Variants in OSTN observed in about 807,000 individuals in gnomAD.
The protein encoded by OSTN is osteocrin.
A neutral mutation model predicts 12.0 loss-of-function variants in OSTN; 9 were observed. The ratio of observed to expected loss-of-function variants is 0.75; its 90% confidence interval spans 0.45 to 1.30. The LOEUF (loss-of-function observed/expected upper bound fraction) is 1.30, where lower values mean the gene tolerates loss of function less well. Among genes scored for constraint, OSTN ranks in the 50% most tolerant of loss-of-function variants. The probability of loss-of-function intolerance (pLI) is 0.00; values close to 1 mark genes in which losing one functional copy is unlikely to be tolerated. For synonymous variants in OSTN, 59 were observed against 56.9 expected (o/e 1.04, Z -0.16); for missense variants, 148 against 152.3 (o/e 0.97, Z 0.15).
intron 1 of OSTN, among the ~76,000 whole-genome samples, chr3:191,210,681 C>T (rs1714396802): frequency 6.6e-6 from 1 of 152,130 alleles, no homozygotes; most frequent in Non-Finnish European, 1.5e-5. Flanking sequence ...TTCTAGCACC[C>T]ATTTGCTCTT....
At chr3:191,236,298 A>T (rs1029618288) in intron 3 of OSTN, among the ~76,000 whole-genome samples, 10 of 152,140 alleles carry the variant, frequency 6.6e-5, no homozygotes, top group Non-Finnish European at 1.2e-4. Flanking sequence ...CTTTTTTAAA[A>T]ATCTCTATCA....
chr3:191,209,501 G>A (rs546497706), intron 1 of OSTN, among the ~76,000 whole-genome samples: 13 of 152,276 alleles, frequency 8.5e-5, no homozygotes, highest in African/African-American at 2.9e-4. Context: ...AGAAAAGAAC[G>A]GAATATGGAG....
chr3:191,246,287 C>T (rs772107115), intron 3 of OSTN, among the ~76,000 whole-genome samples: 10 of 151,706 alleles, frequency 6.6e-5, no homozygotes, highest in Admixed American at 3.3e-4. Context: ...CTTACAGTGG[C>T]AGGACCAAGA....
intron 1 of OSTN, 57 bp from the exon 2 acceptor site, chr3:191,212,476 T>C: frequency 1.6e-6 from 2 of 1,215,028 alleles, no homozygotes; most frequent in Non-Finnish European, 2.3e-6. Context: ...GAACTTCTGT[T>C]TTTTGTCTTT....
rs1047836081 is a variant in OSTN, at chr3:191,233,516, A to G, written c.317+14555A>G. 5.9e-5 allele frequency among the ~76,000 whole-genome samples: 9 copies of G among 152,138 alleles called. No individual in the cohort carries two copies. In the East Asian group the frequency reaches 1.8e-3, roughly 30 times the overall value. ...CAGTGGCAAAATCTCAGCTCACTGC[A>G]ACCTCCACATCCCGGGTTCTAGCGA... On this transcript the variant is annotated intron_variant, in intron 3 of 4. Coordinates refer to ENST00000682035, the MANE Select transcript of OSTN (RefSeq NM_198184.2).
chr3:191,223,893 A>G (rs958179356), intron 3 of OSTN, among the ~76,000 whole-genome samples: 8 of 152,162 alleles, frequency 5.3e-5, no homozygotes, highest in African/African-American at 1.9e-4. Flanking sequence ...GTGTTTTCAG[A>G]CTTGCTGATA....
chr3:191,245,361 G>T (rs1576936850), intron 3 of OSTN, among the ~76,000 whole-genome samples: 5 of 128,382 alleles, frequency 3.9e-5, no homozygotes, highest in Admixed American at 3.6e-4. Flanking sequence ...AAATAAGTTT[G>T]TTAAGTGAAT....
At chr3:191,203,387 C>T (rs16866328) in intron 1 of OSTN, among the ~76,000 whole-genome samples, 60,834 of 151,992 alleles carry the variant, frequency 0.4, 12,876 homozygotes, top group African/African-American at 0.54. Context: ...GAATCTTTCT[C>T]TAAGGTGGCA....
chr3:191,221,969 G>A (rs965993223), intron 3 of OSTN, among the ~76,000 whole-genome samples: 12 of 152,246 alleles, frequency 7.9e-5, no homozygotes, highest in African/African-American at 2.4e-4. Context: ...AAGGGCCAAA[G>A]TATAACTGGG....
At chr3:191,227,808 A>T (rs778194428) in intron 3 of OSTN, among the ~76,000 whole-genome samples, 14 of 152,152 alleles carry the variant, frequency 9.2e-5, no homozygotes, top group Non-Finnish European at 1.6e-4. Flanking sequence ...GCACAGACTG[A>T]GTCATGAGTG....
intron 3 of OSTN, among the ~76,000 whole-genome samples, chr3:191,240,677 G>T (rs530270647): frequency 6.6e-6 from 1 of 152,216 alleles, no homozygotes; most frequent in African/African-American, 2.4e-5. Flanking sequence ...TCAGTTATCT[G>T]AAAGTTATAC....
chr3:191,202,655 A>G lies in OSTN; in HGVS notation c.-1+3348A>G, dbSNP rs1714176763. On this transcript the variant is annotated intron_variant, in intron 1 of 4. Transcript: ENST00000682035. Reference sequence around the variant, plus strand: ...AAGGGGGTCGTGAAATTCCACATTAACTTCAGATTTAAATATGCTATATTT... The same window carrying G: ...AAGGGGGTCGTGAAATTCCACATTAGCTTCAGATTTAAATATGCTATATTT... Among the ~76,000 whole-genome samples the G allele has an allele frequency of 3.3e-5, 5 of 152,270 alleles. No individual in the cohort carries two copies. In the South Asian group the frequency reaches 1.0e-3, roughly 32 times the overall value.
In OSTN at chr3:191,263,282, A is replaced by G. The variant is rs1041637503; in HGVS notation, c.*429A>G. On this transcript the variant is annotated 3_prime_UTR_variant, in exon 5 of 5. Transcript: ENST00000682035. ...GGAATGAGGAAAGGCAATGCTGTGT[A>G]TTTTCTGTTGAGTACTTTCACTTCC... 8 of 157,760 alleles carry G rather than the reference A, an allele frequency of 5.1e-5. No individual in the cohort carries two copies. The highest frequency in any genetic ancestry group is 1.1e-4 in the Non-Finnish European group (8 of 71,922). The allele number at this position is 157,760 out of a possible 1,614,324, so 9.8% of individuals were successfully genotyped here.
intron 1 of OSTN, among the ~76,000 whole-genome samples, 162 bp from the exon 2 acceptor site, chr3:191,212,371 T>G (rs1233702311): frequency 6.6e-6 from 1 of 152,232 alleles, no homozygotes; most frequent in Admixed American, 6.5e-5. Context: ...GATGGACAGC[T>G]TCTATTAAGT....
chr3:191,245,287 CAT>C (rs1188555734), intron 3 of OSTN, among the ~76,000 whole-genome samples: 3 of 152,188 alleles, frequency 2.0e-5, no homozygotes, highest in African/African-American at 7.2e-5. Flanking sequence ...CATAACAACA[CAT>C]AACACATGGT....
rs1715899479 is a variant in OSTN, at chr3:191,265,363, G to A, written c.*2510G>A. 6.6e-6 allele frequency: 1 copy of A among 152,192 alleles called. No individual in the cohort carries two copies. The highest frequency in any genetic ancestry group is 1.5e-5 in the Non-Finnish European group (1 of 68,012). The allele number at this position is 152,192 out of a possible 1,614,324, so 9.4% of individuals were successfully genotyped here. A position where few individuals can be genotyped will look rare whatever the true frequency, so the allele number is the denominator to read the frequency against. On this transcript the variant is annotated 3_prime_UTR_variant, in exon 5 of 5. Coordinates refer to ENST00000682035, the MANE Select transcript of OSTN (RefSeq NM_198184.2). ...ACATAATCAAATTTCATAAAAGGAT[G>A]TTAGTTACTGGCTATGTTGTCCTAA...
intron 3 of OSTN, among the ~76,000 whole-genome samples, chr3:191,245,698 C>A (rs1268521244): frequency 6.6e-6 from 1 of 152,172 alleles, no homozygotes; most frequent in Non-Finnish European, 1.5e-5. Flanking sequence ...CACTTATTTA[C>A]CTTCATTTTT....
intron 2 of OSTN, 74 bp downstream of exon 2, chr3:191,212,708 A>G: frequency 2.4e-6 from 1 of 417,318 alleles, no homozygotes; most frequent in Non-Finnish European, 3.8e-6. Flanking sequence ...TGTATATAAA[A>G]GAATATATAT....
chr3:191,241,431 G>A (rs1412190906), intron 3 of OSTN, among the ~76,000 whole-genome samples: 1 of 151,682 alleles, frequency 6.6e-6, no homozygotes, highest in Non-Finnish European at 1.5e-5. Context: ...TGATCCACCC[G>A]CCTCGGCCTC....
Sources: gnomAD v4.1 joint callset for allele counts (sites outside exome capture counted in the v4.1 genomes callset) on GRCh38, gnomAD v4.1.1 for gene constraint, MANE v1.5 for transcripts, NCBI Gene and HGNC (gene_info 2026-07-23, HGNC 2026-07-21) for gene names.